The following PCDH7 variants were observed in gnomAD, a reference collection of about 807,000 sequenced individuals.
The protein encoded by PCDH7 is protocadherin-7.
PCDH7 carries 17 observed loss-of-function variants against 58.9 expected under a neutral mutation model. That is an observed-to-expected ratio of 0.29 (90% CI 0.20 to 0.43). PCDH7 has a LOEUF of 0.43. Ranked by LOEUF, PCDH7 falls within the 20% of genes least tolerant of loss-of-function variation. The pLI is 1.00. For missense variants in PCDH7, 1,274 were observed against 1,441.0 expected (o/e 0.88, Z 1.88); for synonymous variants, 664 against 616.4 (o/e 1.08, Z -1.14).
At chr4:30,870,735 A>G (rs1735472394) in intron 1 of PCDH7, among the ~76,000 whole-genome samples, 1 of 152,140 alleles carries the variant, frequency 6.6e-6, no homozygotes, top group Non-Finnish European at 1.5e-5. Flanking sequence ...CATTGTTTGC[A>G]GAAGGCAAAG....
intron 2 of PCDH7, among the ~76,000 whole-genome samples, chr4:30,927,811 C>T (rs916879301): frequency 2.0e-5 from 3 of 151,114 alleles, no homozygotes; most frequent in African/African-American, 7.3e-5. Flanking sequence ...TCCTATGACC[C>T]TGCCAAATCC....
chr4:30,735,927 T>G (rs1716184687), downstream of PCDH7, among the ~76,000 whole-genome samples: 1 of 152,204 alleles, frequency 6.6e-6, no homozygotes, highest in Non-Finnish European at 1.5e-5. Flanking sequence ...GTTTGGTTTT[T>G]GTTTTCAGGC....
chr4:30,822,755 A>G (rs1728539246), intron 1 of PCDH7, among the ~76,000 whole-genome samples: 1 of 152,120 alleles, frequency 6.6e-6, no homozygotes, highest in Non-Finnish European at 1.5e-5. Flanking sequence ...TCTACACAAG[A>G]TCTTAAAACC....
At chr4:31,056,316 C>T (rs975123180) in intron 3 of PCDH7, among the ~76,000 whole-genome samples, 10 of 149,178 alleles carry the variant, frequency 6.7e-5, no homozygotes, top group African/African-American at 1.2e-4. Context: ...TGTAGTAAGC[C>T]GTAATAGTGT....
intron 3 of PCDH7, among the ~76,000 whole-genome samples, chr4:31,030,102 G>A (rs916129480): frequency 1.3e-5 from 2 of 151,602 alleles, no homozygotes; most frequent in African/African-American, 4.9e-5. Context: ...TGACTGACAG[G>A]ACAGCCTTTG....
At chr4:30,962,402 G>A (rs1748525186) in intron 3 of PCDH7, among the ~76,000 whole-genome samples, 1 of 152,082 alleles carries the variant, frequency 6.6e-6, no homozygotes, top group Admixed American at 6.6e-5. Flanking sequence ...TAACCTTTAA[G>A]TTATTTAAAG....
At chr4:30,974,727 T>C (rs28415056) in intron 3 of PCDH7, among the ~76,000 whole-genome samples, 2,333 of 152,236 alleles carry the variant, frequency 0.015, 51 homozygotes, top group African/African-American at 0.052. Context: ...TCAGCCCAAT[T>C]CAGCAGTTTT....
chr4:30,881,924 A>G (rs149828487), intron 1 of PCDH7, among the ~76,000 whole-genome samples: 3 of 152,296 alleles, frequency 2.0e-5, no homozygotes, highest in African/African-American at 4.8e-5. Context: ...TGGATTATAT[A>G]TAAAGTAACA....
chr4:31,054,300 C>T (rs1028344210), intron 3 of PCDH7, among the ~76,000 whole-genome samples: 1 of 152,158 alleles, frequency 6.6e-6, no homozygotes, highest in Non-Finnish European at 1.5e-5. Flanking sequence ...ATCCAATCAG[C>T]TTCTTGGGAA....
chr4:31,031,196 A>C (rs932417874), intron 3 of PCDH7, among the ~76,000 whole-genome samples: 1 of 152,194 alleles, frequency 6.6e-6, no homozygotes, highest in Non-Finnish European at 1.5e-5. Context: ...GTGATTCTCA[A>C]TGAGGAGAAT....
chr4:30,773,928 G>A (rs1296198776), intron 1 of PCDH7, among the ~76,000 whole-genome samples: 1 of 152,098 alleles, frequency 6.6e-6, no homozygotes, highest in Admixed American at 6.5e-5. Context: ...TATGACATTG[G>A]AAGACAAAGG....
chr4:30,996,455 A>T lies in PCDH7; in HGVS notation c.*7+46240A>T, dbSNP rs150801987. 6.7e-3 allele frequency among the ~76,000 whole-genome samples: 1,020 copies of T among 152,286 alleles called. 11 individuals are homozygous for T. The highest frequency in any genetic ancestry group is 0.024 in the African/African-American group (978 of 41,548). ...AGAATCAGTAGGTCTTTCATGAAGA[A>T]AAAAGGGCTTTGAGACAAAGCCAAA... On this transcript the variant is annotated intron_variant, in intron 3 of 3. Transcript: ENST00000509759.
chr4:30,730,487 T>A (rs1323583908), intron 1 of PCDH7, among the ~76,000 whole-genome samples: 1 of 152,148 alleles, frequency 6.6e-6, no homozygotes, highest in Non-Finnish European at 1.5e-5. Flanking sequence ...CAAGGTTTAT[T>A]TTCAGGAATG....
chr4:30,762,333 T>A (rs1720134594), intron 1 of PCDH7, among the ~76,000 whole-genome samples: 1 of 152,194 alleles, frequency 6.6e-6, no homozygotes, highest in African/African-American at 2.4e-5. Context: ...TTATTCATTG[T>A]TTTAAATATA....
intron 1 of PCDH7, among the ~76,000 whole-genome samples, chr4:30,792,387 A>G (rs1307619692): frequency 2.4e-5 from 1 of 41,386 alleles, no homozygotes; most frequent in Non-Finnish European, 5.3e-5. Context: ...TAGCAACTGA[A>G]CATCAGAAAA....
chr4:31,077,719 G>C (rs1294953817), intron 3 of PCDH7, among the ~76,000 whole-genome samples: 3 of 152,064 alleles, frequency 2.0e-5, no homozygotes, highest in African/African-American at 7.2e-5. Flanking sequence ...CTTCTACAAT[G>C]GAATTGATAA....
intron 1 of PCDH7, among the ~76,000 whole-genome samples, chr4:30,763,785 T>C (rs1301110252): frequency 1.3e-5 from 2 of 152,354 alleles, no homozygotes. Context: ...TTGTGTATCG[T>C]CTTCCGTTTC....
At chr4:31,068,646 G>A (rs762407143) in intron 3 of PCDH7, among the ~76,000 whole-genome samples, 10 of 151,962 alleles carry the variant, frequency 6.6e-5, no homozygotes, top group East Asian at 3.9e-4. Flanking sequence ...TGACCTACCC[G>A]AATGTCCCCT....
chr4:30,863,051 T>C (rs901817050), intron 1 of PCDH7, among the ~76,000 whole-genome samples: 2 of 152,160 alleles, frequency 1.3e-5, no homozygotes, highest in Non-Finnish European at 2.9e-5. Context: ...AGCTTTGGCA[T>C]TACCAATAAA....
Sources: allele counts gnomAD v4.1 joint callset (sites outside exome capture counted in the v4.1 genomes callset), GRCh38; gene constraint gnomAD v4.1.1; transcripts MANE v1.5; gene names NCBI Gene and HGNC (gene_info 2026-07-23, HGNC 2026-07-21).